NTRK3: variants seen among roughly 807,000 people sequenced by gnomAD.
NTRK3 encodes neurotrophic receptor tyrosine kinase 3.
Under a neutral mutation model 91.7 loss-of-function variants are expected in NTRK3, and 24 were observed. That is an observed-to-expected ratio of 0.26 (90% CI 0.19 to 0.37). The LOEUF (loss-of-function observed/expected upper bound fraction) is 0.37. Among genes scored for constraint, NTRK3 ranks in the 10% least tolerant of loss-of-function variants. NTRK3 has a pLI of 1.00. For synonymous variants in NTRK3, 483 were observed against 404.0 expected (o/e 1.20, Z -2.34); for missense variants, 880 against 1,068.9 (o/e 0.82, Z 2.46).
intron 13 of NTRK3, among the ~76,000 whole-genome samples, chr15:88,109,630 TG>T: frequency 6.6e-6 from 1 of 151,428 alleles, no homozygotes; most frequent in Non-Finnish European, 1.5e-5. Context: ...CAGAAAGAGG[TG>T]GGGGGCTGGG....
chr15:87,872,782 A>T (rs2064856834), exon 19 of NTRK3: 2 of 232,696 alleles, frequency 8.6e-6, no homozygotes, highest in South Asian at 3.6e-4. Context: ...CTCCTTCCTT[A>T]TCTTTCACTT....
rs192836481 is a variant in NTRK3 at position 88,178,837 on chromosome 15, C to T, written c.395+4581G>A. 5.9e-5 allele frequency among the ~76,000 whole-genome samples: 9 copies of T among 152,286 alleles called. No homozygotes were observed. In the East Asian group the frequency reaches 1.7e-3, roughly 29 times the overall value. On this transcript the variant is annotated intron_variant, in intron 5 of 18. Coordinates refer to ENST00000394480, the Ensembl canonical transcript of NTRK3. Reference sequence around the variant, plus strand: ...TCAACAGAGCTCTTTGAGGATGGAGCGTGCTGAATCCCCAGGGGGAAAGAG... The same window carrying T: ...TCAACAGAGCTCTTTGAGGATGGAGTGTGCTGAATCCCCAGGGGGAAAGAG...
At chr15:87,926,509 G>A (rs1238829383) in intron 17 of NTRK3, 3 of 152,190 alleles carry the variant, frequency 2.0e-5, no homozygotes, top group African/African-American at 7.2e-5. Context: ...GTTACCTGTA[G>A]TGTGTACATT....
At chr15:88,061,506 T>C (rs1178971743) in intron 13 of NTRK3, among the ~76,000 whole-genome samples, 1 of 152,192 alleles carries the variant, frequency 6.6e-6, no homozygotes, top group East Asian at 1.9e-4. Flanking sequence ...AATAGGCTGA[T>C]AATACAGAGA....
intron 13 of NTRK3, among the ~76,000 whole-genome samples, chr15:88,059,690 G>A (rs2046034217): frequency 6.6e-6 from 1 of 152,110 alleles, no homozygotes; most frequent in Non-Finnish European, 1.5e-5. Flanking sequence ...TATGGTCGGG[G>A]GATAAAGAGG....
chr15:87,993,419 A>C (rs1049605324), intron 14 of NTRK3, among the ~76,000 whole-genome samples: 1 of 152,208 alleles, frequency 6.6e-6, no homozygotes, highest in Admixed American at 6.5e-5. Context: ...CTGAATTCCA[A>C]GATTTGTGAT....
chr15:87,907,394 A>AC (rs1392020096), intron 17 of NTRK3, among the ~76,000 whole-genome samples: 1 of 152,162 alleles, frequency 6.6e-6, no homozygotes, highest in East Asian at 1.9e-4. Flanking sequence ...AAGAAGAGAA[A>AC]CCTATAAAAC....
At chr15:88,031,666 C>CTCAA (rs527707366) in intron 14 of NTRK3, among the ~76,000 whole-genome samples, 3 of 152,160 alleles carry the variant, frequency 2.0e-5, no homozygotes, top group Non-Finnish European at 4.4e-5. Flanking sequence ...CTTATGCTGA[C>CTCAA]TCAAGCCCAC....
chr15:87,865,612 G>T, exon 19 of NTRK3: 1 of 217,710 alleles, frequency 4.6e-6, no homozygotes, highest in South Asian at 1.9e-4. Context: ...TGAAAAATTA[G>T]TTATACCACC....
At chr15:88,086,928 C>T (rs1366290605) in intron 13 of NTRK3, among the ~76,000 whole-genome samples, 3 of 152,166 alleles carry the variant, frequency 2.0e-5, no homozygotes, top group Non-Finnish European at 1.5e-5. Context: ...TCATGGCCTC[C>T]TTCTAGGCTC....
At chr15:88,198,378 G>GCC (rs1198994400) in intron 3 of NTRK3, among the ~76,000 whole-genome samples, 4 of 152,136 alleles carry the variant, frequency 2.6e-5, no homozygotes, top group Admixed American at 2.6e-4. Context: ...GCCTCTCCCT[G>GCC]CCCACCTCTG....
intron 17 of NTRK3, among the ~76,000 whole-genome samples, chr15:87,887,935 C>T (rs1035143496): frequency 3.3e-5 from 5 of 152,152 alleles, no homozygotes; most frequent in African/African-American, 1.2e-4. Context: ...ATATTAGCTA[C>T]TGACCCAAGC....
At chr15:87,874,527 A>T (rs1316384447) in exon 19 of NTRK3, 3 of 233,082 alleles carry the variant, frequency 1.3e-5, no homozygotes, top group African/African-American at 6.6e-5. Context: ...TCTCCAACCC[A>T]GTTCTTCTCC....
intron 14 of NTRK3, among the ~76,000 whole-genome samples, chr15:88,021,525 C>T (rs2077589266): frequency 6.6e-6 from 1 of 152,168 alleles, no homozygotes; most frequent in African/African-American, 2.4e-5. Context: ...TAAAGGCTCT[C>T]AGAATCCTAC....
At chr15:88,009,503 T>G (rs952957930) in intron 14 of NTRK3, among the ~76,000 whole-genome samples, 1 of 152,216 alleles carries the variant, frequency 6.6e-6, no homozygotes, top group African/African-American at 2.4e-5. Context: ...CCTTCTATCT[T>G]TCAAGAGAAA....
At chr15:88,167,171 G>T (rs190817889) in intron 5 of NTRK3, among the ~76,000 whole-genome samples, 4 of 152,220 alleles carry the variant, frequency 2.6e-5, no homozygotes, top group Non-Finnish European at 5.9e-5. Flanking sequence ...TTTCAAGTTA[G>T]TTTCTGGCAA....
At chr15:87,954,318 CCTCT>C (rs1384872804) in intron 14 of NTRK3, among the ~76,000 whole-genome samples, 1 of 152,168 alleles carries the variant, frequency 6.6e-6, no homozygotes, top group Non-Finnish European at 1.5e-5. Context: ...CTCTATGTCT[CCTCT>C]CTAAGTACTT....
intron 14 of NTRK3, 46 bp downstream of exon 14, chr15:88,032,811 C>G: frequency 6.2e-7 from 1 of 1,608,534 alleles, no homozygotes; most frequent in Middle Eastern, 1.7e-4. Context: ...TATCACCAAC[C>G]ACCCTCCCCT....
chr15:88,019,367 C>T (rs1251321422), intron 14 of NTRK3, among the ~76,000 whole-genome samples: 1 of 152,238 alleles, frequency 6.6e-6, no homozygotes, highest in African/African-American at 2.4e-5. Flanking sequence ...CTAACAGCCA[C>T]TTCCTGTTTC....
Sources: gnomAD v4.1 joint callset for allele counts (sites outside exome capture counted in the v4.1 genomes callset) on GRCh38, gnomAD v4.1.1 for gene constraint, MANE v1.5 for transcripts, NCBI Gene and HGNC (gene_info 2026-07-23, HGNC 2026-07-21) for gene names.